Variants in DOCK5 observed in about 807,000 individuals in gnomAD.
DOCK5 encodes dedicator of cytokinesis protein 5.
DOCK5 carries 142 observed loss-of-function variants against 251.8 expected under a neutral mutation model. That is an observed-to-expected ratio of 0.56 (90% confidence interval 0.49 to 0.65). The LOEUF is 0.65. Ranked by LOEUF, DOCK5 falls within the 30% of genes least tolerant of loss-of-function variation. The pLI is 0.00. For synonymous variants in DOCK5, 842 were observed against 835.5 expected (o/e 1.01, Z -0.13); for missense variants, 2,111 against 2,312.3 (o/e 0.91, Z 1.79).
At chr8:25,243,030 T>G (rs1563321791) in intron 1 of DOCK5, among the ~76,000 whole-genome samples, 1 of 152,238 alleles carries the variant, frequency 6.6e-6, no homozygotes, top group East Asian at 1.9e-4. Flanking sequence ...TCATTGTAAC[T>G]GGATTGTTTC....
intron 49 of DOCK5, 135 bp downstream of exon 49, chr8:25,408,289 G>A: frequency 1.0e-6 from 1 of 955,754 alleles, no homozygotes; most frequent in Admixed American, 2.9e-5. Flanking sequence ...CTGGGTTAGT[G>A]TCAGGTCGCA....
chr8:25,345,117 T>A (rs1166766057), intron 25 of DOCK5, among the ~76,000 whole-genome samples: 1 of 151,938 alleles, frequency 6.6e-6, no homozygotes, highest in Non-Finnish European at 1.5e-5. Context: ...AAAAAAAAAA[T>A]GTATAACTTG....
intron 21 of DOCK5, 61 bp downstream of exon 21, chr8:25,334,257 G>A (rs921960504): frequency 2.2e-6 from 3 of 1,372,442 alleles, no homozygotes; most frequent in African/African-American, 2.9e-5. Flanking sequence ...TCTTAGGACT[G>A]GATTGTTGAG....
intron 1 of DOCK5, among the ~76,000 whole-genome samples, chr8:25,229,903 C>G (rs1802626751): frequency 1.3e-5 from 2 of 151,702 alleles, no homozygotes; most frequent in African/African-American, 2.4e-5. Flanking sequence ...CTAATGTGGC[C>G]CTTGAAAAAA....
chr8:25,226,506 T>G (rs1170248940), intron 1 of DOCK5, among the ~76,000 whole-genome samples: 2 of 152,114 alleles, frequency 1.3e-5, no homozygotes, highest in East Asian at 3.9e-4. Context: ...TCAGGTGATC[T>G]GCCCGTCTAG....
At chr8:25,376,904 T>C (rs35846552) in intron 37 of DOCK5, 29,232 of 153,778 alleles carry the variant, frequency 0.19, 3,229 homozygotes, top group African/African-American at 0.3. Flanking sequence ...TCTCTTATTG[T>C]GTGTCGCAGT....
chr8:25,197,541 A>G (rs1255901500), intron 1 of DOCK5, among the ~76,000 whole-genome samples: 3 of 148,266 alleles, frequency 2.0e-5, no homozygotes, highest in African/African-American at 7.4e-5. Flanking sequence ...GTTGGACCCC[A>G]AAGATGCCCT....
At chr8:25,400,146 C>T (rs1434567591) in intron 46 of DOCK5, among the ~76,000 whole-genome samples, 152 bp downstream of exon 46, 1 of 152,126 alleles carries the variant, frequency 6.6e-6, no homozygotes, top group African/African-American at 2.4e-5. Context: ...TATTTGTTTG[C>T]TCGGCCGGCA....
Position 25,342,527 on chromosome 8 carries a change from T to C in DOCK5, c.2617+20T>C. 6.5e-7 allele frequency: 1 copy of C among 1,545,636 alleles called. No individual in the cohort carries two copies. Among genetic ancestry groups the C allele is most frequent in the Non-Finnish European group, 8.8e-7 (1 of 1,137,750 alleles). On this transcript the variant is annotated intron_variant, in intron 25 of 51. Coordinates refer to ENST00000276440, the MANE Select transcript of DOCK5 (RefSeq NM_024940.8). ...AGTCAGGTAAGTCTCCTTCAAAACT[T>C]GCTGCATGAGGTTGCAGTGAGCTGA...
At chr8:25,379,024 A>G (rs547398164) in intron 38 of DOCK5, among the ~76,000 whole-genome samples, 1 of 152,358 alleles carries the variant, frequency 6.6e-6, no homozygotes, top group Non-Finnish European at 1.5e-5. Context: ...AGCAGGTCAC[A>G]TACTTCAAGG....
At chr8:25,315,623 C>T (rs1805224977) in intron 13 of DOCK5, among the ~76,000 whole-genome samples, 1 of 152,244 alleles carries the variant, frequency 6.6e-6, no homozygotes. Context: ...TTCCATGTTT[C>T]CACTTTTATA....
At chr8:25,392,945 T>A (rs1359176504) in intron 44 of DOCK5, 63 bp downstream of exon 44, 1 of 1,379,874 alleles carries the variant, frequency 7.2e-7, no homozygotes, top group African/African-American at 1.4e-5. Flanking sequence ...ATAACAGCCT[T>A]TGTTGAATTC....
At chr8:25,274,534 A>G (rs1056937851) in intron 3 of DOCK5, among the ~76,000 whole-genome samples, 4 of 152,142 alleles carry the variant, frequency 2.6e-5, no homozygotes, top group African/African-American at 9.7e-5. Context: ...TCTATCCACC[A>G]GTTTCTCCTC....
At chr8:25,316,475 T>A (rs373464412) in intron 13 of DOCK5, among the ~76,000 whole-genome samples, 4 of 152,136 alleles carry the variant, frequency 2.6e-5, no homozygotes, top group African/African-American at 9.7e-5. Flanking sequence ...AGCAAGATCA[T>A]GTATCAAAAA....
intron 16 of DOCK5, 50 bp downstream of exon 16, chr8:25,321,102 C>G (rs927132004): frequency 6.6e-7 from 1 of 1,524,512 alleles, no homozygotes; most frequent in Non-Finnish European, 9.0e-7. Context: ...AAAATTTGCT[C>G]TGGCTTGACA....
chr8:25,279,392 G>A (rs1804128425), intron 5 of DOCK5, among the ~76,000 whole-genome samples: 1 of 152,020 alleles, frequency 6.6e-6, no homozygotes, highest in Non-Finnish European at 1.5e-5. Context: ...CAGCTGTCTT[G>A]CAAGAGACCA....
intron 37 of DOCK5, chr8:25,375,637 C>G (rs1379793553): frequency 1.0e-6 from 1 of 963,770 alleles, no homozygotes; most frequent in Non-Finnish European, 1.2e-6. Context: ...GTGTCTCTGC[C>G]TCCAGTTTTG....
At chr8:25,377,938 T>G (rs1800994339) in intron 38 of DOCK5, among the ~76,000 whole-genome samples, 1 of 148,292 alleles carries the variant, frequency 6.7e-6, no homozygotes, top group African/African-American at 2.5e-5. Context: ...AAATATGGGG[T>G]CTCACCAGTT....
intron 34 of DOCK5, among the ~76,000 whole-genome samples, chr8:25,370,006 G>C (rs1800845684): frequency 6.6e-6 from 1 of 152,136 alleles, no homozygotes; most frequent in Non-Finnish European, 1.5e-5. Context: ...ATATTTCAAG[G>C]TCTGCTGTGT....
Sources: allele counts gnomAD v4.1 joint callset (sites outside exome capture counted in the v4.1 genomes callset), GRCh38; gene constraint gnomAD v4.1.1; transcripts MANE v1.5; gene names NCBI Gene and HGNC (gene_info 2026-07-23, HGNC 2026-07-21).